The following CWC27 variants were observed in gnomAD, a reference collection of about 807,000 sequenced individuals.
The protein encoded by CWC27 is CWC27 spliceosome associated cyclophilin.
A neutral mutation model predicts 63.6 loss-of-function variants in CWC27; 47 were observed. The ratio of observed to expected loss-of-function variants is 0.74; its 90% CI spans 0.58 to 0.94. The LOEUF (loss-of-function observed/expected upper bound fraction) is 0.94. Ranked by LOEUF, CWC27 falls within the 40% of genes least tolerant of loss-of-function variation. CWC27 has a pLI of 0.00. For synonymous variants in CWC27, 175 were observed against 179.8 expected (o/e 0.97, Z 0.22); for missense variants, 495 against 554.3 (o/e 0.89, Z 1.07).
chr5:64,944,788 A>G (rs955276699), intron 11 of CWC27, among the ~76,000 whole-genome samples: 16 of 152,176 alleles, frequency 1.1e-4, no homozygotes, highest in African/African-American at 3.6e-4. Flanking sequence ...CTTTGTTTCT[A>G]CAAGTGACCT....
intron 13 of CWC27, among the ~76,000 whole-genome samples, chr5:64,994,716 A>G (rs949353694): frequency 6.6e-6 from 1 of 152,106 alleles, no homozygotes; most frequent in East Asian, 1.9e-4. Context: ...TAAAATTATT[A>G]CTAGGTTGCA....
At chr5:64,872,398 G>A (rs1434686812) in intron 10 of CWC27, among the ~76,000 whole-genome samples, 5 of 152,146 alleles carry the variant, frequency 3.3e-5, no homozygotes, top group African/African-American at 7.2e-5. Context: ...GTTCCTAAAC[G>A]TGAAAAGCTT....
intron 7 of CWC27, among the ~76,000 whole-genome samples, chr5:64,792,211 T>C (rs1744108067): frequency 6.6e-6 from 1 of 152,138 alleles, no homozygotes; most frequent in African/African-American, 2.4e-5. Flanking sequence ...TAAAAATCAC[T>C]TGACATATTT....
At chr5:64,995,754 A>G (rs953189505) in intron 13 of CWC27, among the ~76,000 whole-genome samples, 1 of 152,180 alleles carries the variant, frequency 6.6e-6, no homozygotes, top group Non-Finnish European at 1.5e-5. Context: ...GCAATGTAAT[A>G]CTGTTTAGTA....
chr5:64,819,165 C>CA (rs1745125733), intron 10 of CWC27, among the ~76,000 whole-genome samples: 1 of 152,100 alleles, frequency 6.6e-6, no homozygotes, highest in African/African-American at 2.4e-5. Context: ...TTTAAGGAGA[C>CA]AAAGTGAGAG....
At chr5:64,911,228 C>T (rs1747779336) in intron 11 of CWC27, among the ~76,000 whole-genome samples, 1 of 152,210 alleles carries the variant, frequency 6.6e-6, no homozygotes, top group African/African-American at 2.4e-5. Context: ...TCAGTTTTCT[C>T]ATTTGACCTG....
intron 13 of CWC27, among the ~76,000 whole-genome samples, chr5:65,006,401 T>C (rs1391520709): frequency 1.3e-5 from 2 of 152,186 alleles, no homozygotes; most frequent in African/African-American, 4.8e-5. Context: ...CAAAAAGTCA[T>C]AGTTGCTCTG....
In CWC27 at chr5:64,919,058, A is replaced by G. The variant is rs115493688; in HGVS notation, c.1042+33512A>G. 5.2e-3 allele frequency among the ~76,000 whole-genome samples: 799 copies of G among 152,356 alleles called. 7 individuals are homozygous for G. Among genetic ancestry groups the G allele is most frequent in the African/African-American group, 0.017 (707 of 41,580 alleles). The stretch of plus-strand genomic sequence containing the variant: ...CCATGGAGAAATGCAGGGCATAAAT[A>G]CAAGTCATTTTTTATTATGTGATTT... On this transcript the variant is annotated intron_variant, in intron 11 of 13. Coordinates refer to ENST00000381070, the MANE Select transcript of CWC27 (RefSeq NM_005869.4).
At chr5:64,995,116 C>T (rs1471463442) in intron 13 of CWC27, among the ~76,000 whole-genome samples, 1 of 151,060 alleles carries the variant, frequency 6.6e-6, no homozygotes, top group Admixed American at 6.6e-5. Flanking sequence ...GGACTACAGG[C>T]GAGCACCACC....
chr5:65,001,561 A>G (rs769964161), intron 13 of CWC27, among the ~76,000 whole-genome samples: 3 of 152,044 alleles, frequency 2.0e-5, no homozygotes, highest in Non-Finnish European at 4.4e-5. Flanking sequence ...CTTTTCTTGC[A>G]TCGATCAAGA....
At chr5:64,817,743 C>G (rs1745083228) in intron 10 of CWC27, among the ~76,000 whole-genome samples, 1 of 152,038 alleles carries the variant, frequency 6.6e-6, no homozygotes, top group Admixed American at 6.6e-5. Flanking sequence ...CCTCCTTACT[C>G]TTTATTATTT....
chr5:64,852,618 C>T (rs1482047369), intron 10 of CWC27, among the ~76,000 whole-genome samples: 3 of 151,962 alleles, frequency 2.0e-5, no homozygotes, highest in African/African-American at 7.3e-5. Flanking sequence ...ATTACAGGCA[C>T]CTGCCACCAT....
At chr5:64,785,404 AT>A in intron 4 of CWC27, 76 bp from the exon 5 acceptor site, 1 of 638,892 alleles carries the variant, frequency 1.6e-6, no homozygotes, top group Non-Finnish European at 2.5e-6. Context: ...TATTTGAAAG[AT>A]GTTTTCAAAG....
At chr5:64,998,142 A>C (rs1303331405) in intron 13 of CWC27, among the ~76,000 whole-genome samples, 1 of 151,918 alleles carries the variant, frequency 6.6e-6, no homozygotes, top group South Asian at 2.1e-4. Flanking sequence ...GCGCTTTCAT[A>C]TGGTTTGCCC....
intron 11 of CWC27, among the ~76,000 whole-genome samples, chr5:64,970,960 T>A (rs1417256942): frequency 3.1e-5 from 1 of 32,002 alleles, no homozygotes; most frequent in African/African-American, 3.9e-4. Context: ...AGAGAGGGAG[T>A]GTGTGTGTGT....
Position 64,807,681 on chromosome 5 carries a change from G to A in CWC27, c.938+3295G>A, listed in dbSNP as rs745906180. 4.7e-5 allele frequency: 72 copies of A among 1,535,876 alleles called. 2 individuals carry two copies. In the South Asian group the frequency reaches 8.6e-4, roughly 18 times the overall value. On this transcript the variant is annotated intron_variant, in intron 10 of 13. Transcript: ENST00000381070. ...GGCATATACAAGCTGGTATTATTAT[G>A]GATTTCTAGATTCCAGCCTCAGCTG...
intron 10 of CWC27, among the ~76,000 whole-genome samples, chr5:64,853,429 A>C (rs1298238337): frequency 6.6e-6 from 1 of 152,212 alleles, no homozygotes; most frequent in Admixed American, 6.5e-5. Flanking sequence ...CCTTCATAGA[A>C]TGCAAATTTT....
chr5:64,948,134 G>A (rs951711187), intron 11 of CWC27, among the ~76,000 whole-genome samples: 1 of 152,006 alleles, frequency 6.6e-6, no homozygotes, highest in African/African-American at 2.4e-5. Flanking sequence ...CTAGAGGCAG[G>A]TCTAGTCTCT....
intron 12 of CWC27, among the ~76,000 whole-genome samples, chr5:64,973,200 G>C (rs563432338): frequency 6.6e-6 from 1 of 152,216 alleles, no homozygotes; most frequent in East Asian, 1.9e-4. Flanking sequence ...AAGTAAGTTC[G>C]TACAAGGTAT....
Sources: gnomAD v4.1 joint callset for allele counts (sites outside exome capture counted in the v4.1 genomes callset) on GRCh38, gnomAD v4.1.1 for gene constraint, MANE v1.5 for transcripts, NCBI Gene and HGNC (gene_info 2026-07-23, HGNC 2026-07-21) for gene names.